SUGCT: variants seen among roughly 807,000 people sequenced by gnomAD.
The protein encoded by SUGCT is succinyl-CoA:glutarate-CoA transferase.
In SUGCT, 41 loss-of-function variants were observed where a neutral mutation model predicts 55.0. That is an observed-to-expected ratio of 0.74 (90% confidence interval 0.58 to 0.97). The LOEUF (loss-of-function observed/expected upper bound fraction) is 0.97. SUGCT is among the 50% of genes least tolerant of loss of function. SUGCT has a pLI of 0.00. For synonymous variants in SUGCT, 187 were observed against 200.4 expected, an observed-to-expected ratio of 0.93 and a Z score of 0.56; for missense variants, 568 against 547.8, an observed-to-expected ratio of 1.04 and a Z score of -0.37.
intron 13 of SUGCT, among the ~76,000 whole-genome samples, chr7:40,826,364 T>A (rs967809756): frequency 3.3e-5 from 5 of 152,132 alleles, no homozygotes; most frequent in African/African-American, 1.2e-4. Context: ...TGAACAAGCA[T>A]TGCAAACATG....
At chr7:40,734,121 CAGAG>C (rs1446980697) in intron 12 of SUGCT, among the ~76,000 whole-genome samples, 1 of 152,178 alleles carries the variant, frequency 6.6e-6, no homozygotes, top group African/African-American at 2.4e-5. Context: ...CTCAAGGAGA[CAGAG>C]AGAAAGGTCT....
the SUGCT span, among the ~76,000 whole-genome samples, chr7:41,037,502 C>T: frequency 6.8e-6 from 1 of 147,082 alleles, no homozygotes. Flanking sequence ...ATGTGCTCAG[C>T]CTTTTTTTTT....
At chr7:40,723,541 G>A (rs1326847537) in intron 12 of SUGCT, among the ~76,000 whole-genome samples, 2 of 152,046 alleles carry the variant, frequency 1.3e-5, no homozygotes, top group Admixed American at 1.3e-4. Flanking sequence ...CTGTCTCCTT[G>A]AAGTCCCAGT....
chr7:40,651,248 G>A (rs774892166), intron 12 of SUGCT, among the ~76,000 whole-genome samples: 3 of 152,164 alleles, frequency 2.0e-5, no homozygotes, highest in Non-Finnish European at 2.9e-5. Context: ...CACTTCACCA[G>A]CATCTGTTGT....
intron 9 of SUGCT, among the ~76,000 whole-genome samples, chr7:40,343,688 G>T (rs533888428): frequency 6.6e-6 from 1 of 151,354 alleles, no homozygotes; most frequent in Non-Finnish European, 1.5e-5. Context: ...ATGGAGTCTC[G>T]CTCTGTCGCC....
chr7:40,936,631 C>A, the SUGCT span, among the ~76,000 whole-genome samples: 1 of 151,508 alleles, frequency 6.6e-6, no homozygotes, highest in East Asian at 1.9e-4. Context: ...TATTTTCTTA[C>A]TCCTTGTTTT....
chr7:40,772,494 A>ATATC (rs70990644), intron 13 of SUGCT, among the ~76,000 whole-genome samples: 3,716 of 99,350 alleles, frequency 0.037, 117 homozygotes, highest in East Asian at 0.045. Context: ...TTCTTTTGAA[A>ATATC]TATCTATCTA....
chr7:41,006,649 T>C, the SUGCT span, among the ~76,000 whole-genome samples: 1 of 152,194 alleles, frequency 6.6e-6, no homozygotes, highest in South Asian at 2.1e-4. Context: ...GGTTTCAGGC[T>C]CTCAAGGGGA....
the SUGCT span, among the ~76,000 whole-genome samples, chr7:40,940,017 T>A: frequency 6.6e-6 from 1 of 152,188 alleles, no homozygotes; most frequent in African/African-American, 2.4e-5. Context: ...AGGTCTTAGA[T>A]TTAAGACTTT....
chr7:40,834,947 A>G (rs909938485), intron 13 of SUGCT, among the ~76,000 whole-genome samples: 5 of 152,144 alleles, frequency 3.3e-5, no homozygotes, highest in Non-Finnish European at 7.4e-5. Flanking sequence ...CATTTGTAAA[A>G]TGGTGTCCTT....
chr7:40,919,981 C>T, the SUGCT span, among the ~76,000 whole-genome samples: 33 of 152,138 alleles, frequency 2.2e-4, no homozygotes, highest in Admixed American at 2.0e-3. Context: ...GCTCATGCTT[C>T]TTTCTTCCTC....
At chr7:40,628,984 G>A (rs1799657796) in intron 12 of SUGCT, among the ~76,000 whole-genome samples, 1 of 152,016 alleles carries the variant, frequency 6.6e-6, no homozygotes. Context: ...TCAGGTGATA[G>A]GATTTACTCT....
At chr7:40,459,414 A>G (rs931931875) in intron 11 of SUGCT, among the ~76,000 whole-genome samples, 3 of 152,142 alleles carry the variant, frequency 2.0e-5, no homozygotes, top group Non-Finnish European at 4.4e-5. Context: ...TTAAGTACTG[A>G]GTCATAACAA....
chr7:40,877,993 C>T, the SUGCT span, among the ~76,000 whole-genome samples: 2 of 152,132 alleles, frequency 1.3e-5, no homozygotes, highest in African/African-American at 2.4e-5. Context: ...TTCTAGGTGC[C>T]CCAAATGTTT....
At chr7:40,924,265 CGTGTGTGT>C in the SUGCT span, among the ~76,000 whole-genome samples, 2 of 136,126 alleles carry the variant, frequency 1.5e-5, no homozygotes, top group Middle Eastern at 3.9e-3. Context: ...CTTTCAATTA[CGTGTGTGT>C]GTGTGTGTGT....
intron 12 of SUGCT, among the ~76,000 whole-genome samples, chr7:40,587,231 A>G (rs1379577319): frequency 6.6e-6 from 1 of 152,234 alleles, no homozygotes; most frequent in Non-Finnish European, 1.5e-5. Context: ...TGGTTACATG[A>G]CTATACATTT....
At chr7:40,897,876 TCAGCTCTCTGTAAAATGGAC>T in the SUGCT span, among the ~76,000 whole-genome samples, 1 of 151,970 alleles carries the variant, frequency 6.6e-6, no homozygotes, top group Non-Finnish European at 1.5e-5. Flanking sequence ...AACAGACCAA[TCAGCTCTCTGTAAAATGGAC>T]CAATCAGCTC....
intron 12 of SUGCT, among the ~76,000 whole-genome samples, chr7:40,518,697 T>G (rs1793377068): frequency 6.6e-6 from 1 of 152,042 alleles, no homozygotes; most frequent in South Asian, 2.1e-4. Context: ...CTTCTTAGAG[T>G]AGTGGTTGAT....
At chr7:40,517,792 G>C (rs547960134) in intron 12 of SUGCT, among the ~76,000 whole-genome samples, 51 of 151,942 alleles carry the variant, frequency 3.4e-4, no homozygotes, top group Non-Finnish European at 6.6e-4. Context: ...TAGAGTAGTT[G>C]GTCCATGAAG....
Sources: gnomAD v4.1 joint callset for allele counts (sites outside exome capture counted in the v4.1 genomes callset) on GRCh38, gnomAD v4.1.1 for gene constraint, MANE v1.5 for transcripts, NCBI Gene and HGNC (gene_info 2026-07-23, HGNC 2026-07-21) for gene names.